Variants in PTPRE observed in about 807,000 individuals in gnomAD.
The protein encoded by PTPRE is receptor-type tyrosine-protein phosphatase epsilon.
Under a neutral mutation model 102.0 loss-of-function variants are expected in PTPRE, and 51 were observed. That is an observed-to-expected ratio of 0.50 (90% CI 0.40 to 0.63). The LOEUF is 0.63. Ranked by LOEUF, PTPRE falls within the 30% of genes least tolerant of loss-of-function variation. PTPRE has a pLI of 0.00. For missense variants in PTPRE, 752 were observed against 915.1 expected, an observed-to-expected ratio of 0.82 and a Z score of 2.30; for synonymous variants, 345 against 348.2, an observed-to-expected ratio of 0.99 and a Z score of 0.10.
chr10:128,030,869 G>A (rs1846689414), intron 2 of PTPRE, among the ~76,000 whole-genome samples: 1 of 152,144 alleles, frequency 6.6e-6, no homozygotes, highest in African/African-American at 2.4e-5. Context: ...TTCTCCCCAG[G>A]CAGCCCTCCA....
At chr10:128,015,608 C>T (rs563823443) in intron 2 of PTPRE, among the ~76,000 whole-genome samples, 10 of 152,248 alleles carry the variant, frequency 6.6e-5, no homozygotes, top group African/African-American at 2.4e-4. Flanking sequence ...CTTCGTGATC[C>T]ACCCGCCTCA....
intron 2 of PTPRE, among the ~76,000 whole-genome samples, chr10:127,987,118 C>T (rs940020686): frequency 6.6e-6 from 1 of 152,148 alleles, no homozygotes; most frequent in East Asian, 1.9e-4. Flanking sequence ...TCCCTCCCCC[C>T]GGAAAGTTTC....
At position 128,084,543 on chromosome 10, in the gene PTPRE, C is replaced by T. The variant is rs557402621; in HGVS notation, c.*1637C>T. The T allele has an allele frequency of 6.6e-6, 1 of 152,390 alleles. No individual in the cohort carries two copies. Among genetic ancestry groups the T allele is most frequent in the Admixed American group, 6.5e-5 (1 of 15,302 alleles). The allele number at this position is 152,390 out of a possible 1,614,324, so 9.4% of individuals were successfully genotyped here. On this transcript the variant is annotated 3_prime_UTR_variant, in exon 21 of 21. Coordinates refer to ENST00000254667, the MANE Select transcript of PTPRE (RefSeq NM_006504.6). ...GTGCCCAGCTGGAAGGACGAAAGCA[C>T]ACTTTGTGACCGCCATCCTCACCAG...
At chr10:127,919,520 C>T (rs557012063) in intron 1 of PTPRE, among the ~76,000 whole-genome samples, 11 of 152,336 alleles carry the variant, frequency 7.2e-5, no homozygotes, top group Admixed American at 5.9e-4. Context: ...ACCCCTTATC[C>T]CTCCTTCCTG....
In PTPRE at chr10:128,003,631, C is replaced by T. The variant is rs896507835; in HGVS notation, c.-8+21335C>T. Among the ~76,000 whole-genome samples, 22 of 152,264 alleles carry T rather than the reference C, an allele frequency of 1.4e-4. No individual in the cohort carries two copies. In the East Asian group the frequency reaches 2.7e-3, roughly 19 times the overall value. The stretch of plus-strand genomic sequence containing the variant: ...CCATGCATTTGTGGCAGTTCACGCG[C>T]GGACATCAGGCTCTGGAATTCTGCC... On this transcript the variant is annotated intron_variant, in intron 2 of 20. Transcript: ENST00000254667.
At chr10:128,058,040 G>A (rs572993372) in intron 7 of PTPRE, among the ~76,000 whole-genome samples, 2 of 152,176 alleles carry the variant, frequency 1.3e-5, no homozygotes, top group Admixed American at 6.5e-5. Context: ...TTAAGAAACC[G>A]CTCAGTGCTA....
chr10:128,011,934 A>C (rs1845054582), intron 2 of PTPRE, among the ~76,000 whole-genome samples: 1 of 152,224 alleles, frequency 6.6e-6, no homozygotes, highest in South Asian at 2.1e-4. Context: ...AAGGGCGGAA[A>C]CTGTCCCAAG....
intron 2 of PTPRE, among the ~76,000 whole-genome samples, chr10:128,006,499 T>G (rs1854560197): frequency 6.6e-6 from 1 of 152,234 alleles, no homozygotes; most frequent in African/African-American, 2.4e-5. Flanking sequence ...TAGTCTTTCA[T>G]GCTTGCTAAA....
At chr10:127,980,492 C>A (rs1341311291) in intron 1 of PTPRE, among the ~76,000 whole-genome samples, 1 of 151,946 alleles carries the variant, frequency 6.6e-6, no homozygotes, top group African/African-American at 2.4e-5. Context: ...ATGCTTATGT[C>A]TTTTAATTCT....
At chr10:128,063,904 A>G (rs1029039915) in intron 10 of PTPRE, among the ~76,000 whole-genome samples, 4 of 152,130 alleles carry the variant, frequency 2.6e-5, no homozygotes, top group African/African-American at 9.7e-5. Flanking sequence ...CCAGAATGAA[A>G]GAAGAACTGG....
intron 6 of PTPRE, among the ~76,000 whole-genome samples, chr10:128,052,175 C>A (rs140686062): frequency 0.015 from 2,284 of 152,304 alleles, 44 homozygotes; most frequent in South Asian, 0.07. Context: ...CCTGCCATGG[C>A]CAGCTCTCTC....
chr10:127,965,014 G>A (rs573532563), intron 1 of PTPRE: 3 of 456,358 alleles, frequency 6.6e-6, no homozygotes, highest in Admixed American at 2.4e-5. Flanking sequence ...AAGGCATTTC[G>A]GTTTTAAGCA....
intron 1 of PTPRE, among the ~76,000 whole-genome samples, chr10:127,955,305 CATACATACATACATACATAT>C (rs1402624827): frequency 1.3e-5 from 2 of 152,050 alleles, no homozygotes; most frequent in African/African-American, 4.8e-5. Context: ...TACATACATA[CATACATACATACATACATAT>C]ATACATACAC....
At chr10:127,996,055 T>A (rs1055787607) in intron 2 of PTPRE, among the ~76,000 whole-genome samples, 1 of 152,224 alleles carries the variant, frequency 6.6e-6, no homozygotes, top group Non-Finnish European at 1.5e-5. Context: ...GACATCTTGT[T>A]GCCAGGAATC....
At chr10:128,012,121 G>A (rs533252829) in intron 2 of PTPRE, among the ~76,000 whole-genome samples, 1 of 149,408 alleles carries the variant, frequency 6.7e-6, no homozygotes, top group Admixed American at 6.6e-5. Context: ...TTGTGAGCCC[G>A]GGTGTGAACC....
chr10:127,908,227 T>G (rs1240136855), intron 1 of PTPRE, among the ~76,000 whole-genome samples: 1 of 152,160 alleles, frequency 6.6e-6, no homozygotes, highest in Non-Finnish European at 1.5e-5. Flanking sequence ...GCTTGTATTT[T>G]AGAGTGAATG....
chr10:128,057,611 T>C (rs1020414622), intron 7 of PTPRE, among the ~76,000 whole-genome samples: 1 of 152,258 alleles, frequency 6.6e-6, no homozygotes, highest in Non-Finnish European at 1.5e-5. Flanking sequence ...GGGATTGATA[T>C]GTGGTTTTCA....
intron 1 of PTPRE, among the ~76,000 whole-genome samples, chr10:127,918,698 T>G (rs1328905718): frequency 6.6e-6 from 1 of 152,180 alleles, no homozygotes; most frequent in African/African-American, 2.4e-5. Flanking sequence ...GGGCAACCCC[T>G]GCCCAGTCAG....
intron 1 of PTPRE, among the ~76,000 whole-genome samples, chr10:127,967,373 G>C (rs2135411058): frequency 6.6e-6 from 1 of 152,270 alleles, no homozygotes; most frequent in East Asian, 1.9e-4. Context: ...CCTGTGGGAG[G>C]TAATTGAATC....
Sources: gnomAD v4.1 joint callset for allele counts (sites outside exome capture counted in the v4.1 genomes callset) on GRCh38, gnomAD v4.1.1 for gene constraint, MANE v1.5 for transcripts, NCBI Gene and HGNC (gene_info 2026-07-23, HGNC 2026-07-21) for gene names.